ACTA2: variants seen among roughly 807,000 people sequenced by gnomAD.
ACTA2 encodes actin alpha 2, smooth muscle, also known as actin, aortic smooth muscle.
ACTA2 carries 12 observed loss-of-function variants against 39.5 expected under a neutral mutation model. That is an observed-to-expected ratio of 0.30 (90% CI 0.19 to 0.49). The LOEUF is 0.49. Among genes scored for constraint, ACTA2 ranks in the 20% least tolerant of loss-of-function variants. ACTA2 has a pLI of 0.99. For synonymous variants in ACTA2, 158 were observed against 180.6 expected, an observed-to-expected ratio of 0.88 and a Z score of 1.00; for missense variants, 236 against 498.8, an observed-to-expected ratio of 0.47 and a Z score of 5.02.
In ACTA2 at chr10:88,988,434, TTTG is replaced by T. The variant is rs1564666910; in HGVS notation, c.-24+2502_-24+2504del. ...TGTAGAAGTTTTTTTTTTTTTTTGTTTTGTTTTTTATCTTAACTCTTCCTGTTT... is the reference window on the plus strand; with the variant it reads ...TGTAGAAGTTTTTTTTTTTTTTTGTTTTTTTTATCTTAACTCTTCCTGTTT... On this transcript the variant is annotated intron_variant, in intron 1 of 4. Coordinates refer to the ACTA2 transcript ENST00000415557. Among the ~76,000 whole-genome samples, 334 of 34,390 alleles carry T rather than the reference TTTG, an allele frequency of 9.7e-3. 15 individuals carry two copies. Among genetic ancestry groups the T allele is most frequent in the East Asian group, 0.029 (44 of 1,498 alleles). 22.6% of individuals were successfully genotyped at this position (34,390 alleles called of 152,430 possible).
intron 1 of ACTA2, among the ~76,000 whole-genome samples, chr10:88,982,462 A>C (rs183567353): frequency 3.7e-4 from 56 of 152,280 alleles, no homozygotes; most frequent in African/African-American, 1.3e-3. Context: ...GGAAGACATA[A>C]ATGGCAGAAT....
chr10:88,986,859 A>G (rs143294501), intron 1 of ACTA2, among the ~76,000 whole-genome samples: 2 of 152,354 alleles, frequency 1.3e-5, no homozygotes, highest in African/African-American at 2.4e-5. Flanking sequence ...CAAATTATCA[A>G]TTTGTCTTGT....
Position 88,939,554 on chromosome 10 carries a change from T to C in ACTA2, c.761A>G (p.Asn254Ser). 6.2e-7 allele frequency: 1 copy of C among 1,614,066 alleles called. No individual in the cohort carries two copies. The highest frequency in any genetic ancestry group is 8.5e-7 in the Non-Finnish European group (1 of 1,179,988). ...LPDGQVITIG[N>S]ERFRCPETLF... is the part of the protein sequence containing the mutation. ...GGTCTCTGGGCAGCGGAAACGTTCA[T>C]TTCCGATGGTGATCACTTGCCCATC... The change falls in exon 7 of 9, where the codon AAT becomes AGT. Residue 254 changes from asparagine to serine, a missense_variant. By Grantham distance (46) the Asn-to-Ser change is conservative. Transcript: ENST00000224784.
At chr10:88,935,878 G>A (rs1320935302) in intron 8 of ACTA2, among the ~76,000 whole-genome samples, 1 of 152,128 alleles carries the variant, frequency 6.6e-6, no homozygotes, top group Non-Finnish European at 1.5e-5. Context: ...TCCCCTGCTG[G>A]GGACATTCCC....
chr10:88,980,364 C>T (rs1395501220), intron 1 of ACTA2, among the ~76,000 whole-genome samples: 2 of 152,166 alleles, frequency 1.3e-5, no homozygotes, highest in East Asian at 3.8e-4. Context: ...AGCATCAGGA[C>T]GCTGAACATA....
intron 1 of ACTA2, among the ~76,000 whole-genome samples, chr10:88,965,973 T>C (rs1846311700): frequency 6.6e-6 from 1 of 152,208 alleles, no homozygotes; most frequent in African/African-American, 2.4e-5. Flanking sequence ...AAGCATGGCC[T>C]GAATTTACGG....
intron 4 of ACTA2, chr10:88,943,556 C>G (rs1845893554): frequency 1.8e-5 from 10 of 555,652 alleles, no homozygotes; most frequent in South Asian, 1.5e-4. Context: ...AAACGTGGCC[C>G]CTTCTCAGTG....
chr10:88,941,458 A>AG, intron 5 of ACTA2, 68 bp from the exon 6 acceptor site: 1 of 1,590,250 alleles, frequency 6.3e-7, no homozygotes, highest in East Asian at 2.2e-5. Context: ...GGACAAGTAG[A>AG]GGGAAGCCTT....
chr10:88,973,007 A>C (rs1052057518), intron 1 of ACTA2, among the ~76,000 whole-genome samples: 1 of 152,246 alleles, frequency 6.6e-6, no homozygotes, highest in African/African-American at 2.4e-5. Flanking sequence ...AGAATACTAA[A>C]GCAAAATTGA....
intron 1 of ACTA2, among the ~76,000 whole-genome samples, chr10:88,962,962 T>C (rs1168441027): frequency 3.1e-5 from 1 of 32,018 alleles, no homozygotes; most frequent in Non-Finnish European, 5.8e-5. Context: ...TATATATATA[T>C]ATATATATAT....
chr10:88,971,366 G>C lies in ACTA2; in HGVS notation c.-24+19573C>G, dbSNP rs117414078. 1.5e-3 allele frequency among the ~76,000 whole-genome samples: 232 copies of C among 152,308 alleles called. 2 individuals carry two copies. The highest frequency in any genetic ancestry group is 2.8e-3 in the Non-Finnish European group (192 of 68,028). On this transcript the variant is annotated intron_variant, in intron 1 of 4. Coordinates refer to the ACTA2 transcript ENST00000415557. ...GAGAAAACTTCATGCAGTATGTTTT[G>C]TGTTTTGTAAAGGGTGCCAATGGCA...
Position 88,938,089 on chromosome 10 carries a change from G to C in ACTA2, c.962C>G (p.Ala321Gly), listed in dbSNP as rs767223356. The change falls in exon 8 of 9, where the codon GCC becomes GGC. Residue 321 changes from alanine to glycine, a missense_variant. By Grantham distance (60) the Ala-to-Gly change is moderately conservative. Coordinates refer to ENST00000224784, the MANE Select transcript of ACTA2 (RefSeq NM_001613.4). Reference sequence around the variant, plus strand: ...GATCTTCATGGTGCTGGGTGCTAGGGCCGTGATCTCCTTCTGCATTCGGTC... The same window carrying C: ...GATCTTCATGGTGCTGGGTGCTAGGCCCGTGATCTCCTTCTGCATTCGGTC... ...IADRMQKEIT[A>G]LAPSTMKIKI... The C allele has an allele frequency of 3.7e-6, 6 of 1,613,870 alleles. No homozygotes were observed. In the Admixed American group the frequency reaches 6.7e-5, roughly 18 times the overall value.
chr10:88,948,608 T>C (rs1845995490), intron 2 of ACTA2, 194 bp downstream of exon 2: 1 of 678,356 alleles, frequency 1.5e-6, no homozygotes, highest in Admixed American at 2.3e-5. Context: ...TTGTATCTGA[T>C]AGATGCCCAT....
chr10:88,953,102 A>T (rs1345156037), upstream of ACTA2, among the ~76,000 whole-genome samples: 1 of 152,264 alleles, frequency 6.6e-6, no homozygotes, highest in Admixed American at 6.5e-5. Context: ...TCCACAGAGG[A>T]TGCCAGCTTG....
Position 88,990,599 on chromosome 10 carries a change from G to T in ACTA2, c.-24+340C>A, listed in dbSNP as rs894154167. 2.5e-5 allele frequency: 17 copies of T among 678,442 alleles called. No individual in the cohort carries two copies. Among genetic ancestry groups the T allele is most frequent in the Non-Finnish European group, 4.6e-5 (17 of 371,170 alleles). 42.0% of individuals were successfully genotyped at this position (678,442 alleles called of 1,614,324 possible). ...CCCAACCCGGGCGTTCCCCAGCGAG[G>T]CTTCCTTCCCATCCTCCTGACCACC... On this transcript the variant is annotated intron_variant, in intron 1 of 4. Coordinates refer to the ACTA2 transcript ENST00000415557. The surrounding 1 kb of genome is among the most constrained non-coding windows in gnomAD (Gnocchi z 4.9).
chr10:88,935,426 C>T lies in ACTA2; in HGVS notation c.991-60G>A, dbSNP rs78651566. On this transcript the variant is annotated intron_variant, in intron 8 of 8. Transcript: ENST00000224784. ...GTCATCATTAGTGCAGTCGTTAGTG[C>T]GGTAGGACAGAGCCTGGATGTTCTA... 140 of 1,585,532 alleles carry T rather than the reference C, an allele frequency of 8.8e-5. No individual in the cohort carries two copies. In the East Asian group the frequency reaches 2.1e-3, roughly 24 times the overall value.
rs1845805154 is a variant in ACTA2 at position 88,939,353 on chromosome 10, TCTC to T, written c.808+151_808+153del. On this transcript the variant is annotated intron_variant, in intron 7 of 8. Transcript: ENST00000224784. ...CCTTTTTCCTGGCCTCATTATGTCT[TCTC>T]GCCTTGAAAATGTGGCACTTTCCCT... is the stretch of plus-strand genomic sequence containing the variant. 3 of 980,820 alleles carry T rather than the reference TCTC, an allele frequency of 3.1e-6. No individual in the cohort carries two copies. The African/African-American group carries it at 4.8e-5, about 16-fold the overall frequency. 60.8% of individuals were successfully genotyped at this position (980,820 alleles called of 1,614,324 possible). A position where few individuals can be genotyped will look rare whatever the true frequency, so the allele number is the denominator to read the frequency against.
intron 3 of ACTA2, among the ~76,000 whole-genome samples, chr10:88,945,840 CTGTT>C (rs1845937027): frequency 6.6e-6 from 1 of 152,102 alleles, no homozygotes; most frequent in African/African-American, 2.4e-5. Context: ...CAAGAATGGG[CTGTT>C]TAAGACTACT....
upstream of ACTA2, among the ~76,000 whole-genome samples, chr10:88,955,422 A>C (rs932734703): frequency 2.6e-5 from 4 of 152,220 alleles, no homozygotes; most frequent in African/African-American, 9.7e-5. Context: ...ACACAGTGAG[A>C]GCAAGGAAAC....
Sources: allele counts gnomAD v4.1 joint callset (sites outside exome capture counted in the v4.1 genomes callset), GRCh38; gene constraint gnomAD v4.1.1; non-coding constraint Gnocchi (gnomAD v3.1); transcripts MANE v1.5; gene names NCBI Gene and HGNC (gene_info 2026-07-23, HGNC 2026-07-21).